The following PLCB1 variants were observed in gnomAD, a reference collection of about 807,000 sequenced individuals.
PLCB1 encodes the protein 1-phosphatidylinositol 4,5-bisphosphate phosphodiesterase beta-1.
Under a neutral mutation model 161.8 loss-of-function variants are expected in PLCB1, and 46 were observed. That is an observed-to-expected ratio of 0.28 (90% CI 0.22 to 0.36). The LOEUF (loss-of-function observed/expected upper bound fraction) is 0.36, where lower values mean the gene tolerates loss of function less well. Among genes scored for constraint, PLCB1 ranks in the 10% least tolerant of loss-of-function variants. The probability of loss-of-function intolerance (pLI) is 1.00; values close to 1 mark genes in which losing one functional copy is unlikely to be tolerated. For synonymous variants in PLCB1, 517 were observed against 503.7 expected (o/e 1.03, Z -0.35); for missense variants, 1,016 against 1,472.5 (o/e 0.69, Z 5.07).
intron 3 of PLCB1, among the ~76,000 whole-genome samples, chr20:8,492,858 GT>G (rs1983003917): frequency 6.6e-6 from 1 of 151,716 alleles, no homozygotes; most frequent in Non-Finnish European, 1.5e-5. Context: ...ATGTGTGTGT[GT>G]GTGTGTGTGT....
At chr20:8,148,778 A>G (rs73078300) in intron 1 of PLCB1, among the ~76,000 whole-genome samples, 6,620 of 152,324 alleles carry the variant, frequency 0.043, 184 homozygotes, top group South Asian at 0.12. Flanking sequence ...TATGCCAAAT[A>G]AAATAAGCCA....
At chr20:8,451,596 CA>C (rs1217592377) in intron 3 of PLCB1, among the ~76,000 whole-genome samples, 2 of 152,124 alleles carry the variant, frequency 1.3e-5, no homozygotes, top group Non-Finnish European at 2.9e-5. Flanking sequence ...GTGACCCACC[CA>C]CCTCGGCCTC....
intron 2 of PLCB1, among the ~76,000 whole-genome samples, chr20:8,169,203 C>A (rs551444311): frequency 6.6e-6 from 1 of 152,246 alleles, no homozygotes; most frequent in Non-Finnish European, 1.5e-5. Context: ...ACTGCCATCT[C>A]TTTACTTTGG....
At chr20:8,750,457 A>G (rs1224289489) in intron 23 of PLCB1, among the ~76,000 whole-genome samples, 1 of 152,180 alleles carries the variant, frequency 6.6e-6, no homozygotes, top group Non-Finnish European at 1.5e-5. Flanking sequence ...GAACACCTAT[A>G]TATCAGCCAC....
intron 2 of PLCB1, among the ~76,000 whole-genome samples, chr20:8,367,996 A>G (rs1281739929): frequency 6.6e-6 from 1 of 152,184 alleles, no homozygotes; most frequent in Non-Finnish European, 1.5e-5. Flanking sequence ...ATTACCCTTG[A>G]TGACAGTGCC....
chr20:8,788,586 C>T, intron 28 of PLCB1, 47 bp from the exon 29 acceptor site: 1 of 1,592,378 alleles, frequency 6.3e-7, no homozygotes, highest in Non-Finnish European at 8.6e-7. Flanking sequence ...CACAAATTCC[C>T]ATCTGATTTG....
chr20:8,284,119 T>C (rs1983003704), intron 2 of PLCB1, among the ~76,000 whole-genome samples: 1 of 152,030 alleles, frequency 6.6e-6, no homozygotes, highest in Admixed American at 6.6e-5. Context: ...AAAGAGTGAA[T>C]AATTAGATTT....
intron 1 of PLCB1, among the ~76,000 whole-genome samples, chr20:8,146,014 T>A (rs2051449296): frequency 6.6e-6 from 1 of 152,078 alleles, no homozygotes; most frequent in South Asian, 2.1e-4. Flanking sequence ...GTATAGGGCA[T>A]CCATTCTCAA....
chr20:8,300,647 C>T (rs745773211), intron 2 of PLCB1, among the ~76,000 whole-genome samples: 1 of 152,066 alleles, frequency 6.6e-6, no homozygotes, highest in Admixed American at 6.6e-5. Flanking sequence ...CCCATTAACT[C>T]GTCATTTAGC....
At chr20:8,225,361 A>G (rs1341879992) in intron 2 of PLCB1, among the ~76,000 whole-genome samples, 3 of 152,162 alleles carry the variant, frequency 2.0e-5, no homozygotes, top group Admixed American at 1.3e-4. Flanking sequence ...TTAAATGCCT[A>G]ATTGTAAATT....
intron 31 of PLCB1, among the ~76,000 whole-genome samples, chr20:8,822,307 A>G (rs147920407): frequency 2.4e-3 from 361 of 152,298 alleles, no homozygotes; most frequent in African/African-American, 8.3e-3. Context: ...TATTCATCCA[A>G]AAGATATTTA....
At chr20:8,451,948 T>G (rs1981093017) in intron 3 of PLCB1, among the ~76,000 whole-genome samples, 1 of 152,134 alleles carries the variant, frequency 6.6e-6, no homozygotes, top group Admixed American at 6.6e-5. Context: ...AGTATAGATC[T>G]TTGAGGAAAT....
Position 8,789,574 on chromosome 20 carries a change from G to C in PLCB1, c.3335G>C (p.Arg1112Thr). The C allele has an allele frequency of 6.2e-7, 1 of 1,606,386 alleles. No individual in the cohort carries two copies. Among genetic ancestry groups the C allele is most frequent in the Non-Finnish European group, 8.5e-7 (1 of 1,172,956 alleles). Residue 1112 changes from arginine to threonine, a missense_variant and splice_region_variant, in exon 30 of 32, where the codon AGG (arginine) becomes ACG (threonine). This residue lies in a region of PLCB1 where 398 missense variants were observed against 445.4 expected (regional missense o/e 0.89). Coordinates refer to ENST00000338037, the MANE Select transcript of PLCB1 (RefSeq NM_015192.4). ...CAGGAAGTGGTGCAGTATATCAAGA[G>C]GGTATGTGGGCTCATCACGCTCTCT... ...YIQEVVQYIK[R>T]LEEAQSKRQE...
chr20:8,649,737 C>A (rs1989259433), intron 7 of PLCB1: 1 of 424,796 alleles, frequency 2.4e-6, no homozygotes, highest in Non-Finnish European at 4.3e-6. Flanking sequence ...AGACTTTTGC[C>A]AGATGTGCCC....
Position 8,789,560 on chromosome 20 carries a change from G to A in PLCB1, c.3321G>A (p.Val1107=), listed in dbSNP as rs1600329135. ...TCCGGTCATATATCCAGGAAGTGGT[G>A]CAGTATATCAAGAGGGTATGTGGGC... is the stretch of plus-strand genomic sequence containing the variant. ...EMIRSYIQEV[V]QYIKRLEEAQ... Residue 1107 remains valine (V), a synonymous_variant, in exon 30 of 32, where the codon GTG becomes GTA. Coordinates refer to ENST00000338037, the MANE Select transcript of PLCB1 (RefSeq NM_015192.4). 2.5e-6 allele frequency: 4 copies of A among 1,611,654 alleles called. No individual in the cohort carries two copies. The highest frequency in any genetic ancestry group is 2.7e-5 in the African/African-American group (2 of 75,016).
rs569149079 is a variant in PLCB1 at position 8,391,861 on chromosome 20, A to G, written c.246+20411A>G. 8.3e-5 allele frequency among the ~76,000 whole-genome samples: 12 copies of G among 144,690 alleles called. No individual in the cohort carries two copies. In the South Asian group the frequency reaches 1.8e-3, roughly 21 times the overall value. 94.9% of individuals were successfully genotyped at this position (144,690 alleles called of 152,430 possible). ...TATATATATTACTTGAACTTCCTCAATTTTGGAGATTAGGTCATAAACTAA... is the reference window on the plus strand; with the variant it reads ...TATATATATTACTTGAACTTCCTCAGTTTTGGAGATTAGGTCATAAACTAA... On this transcript the variant is annotated intron_variant, in intron 3 of 31. Transcript: ENST00000338037.
intron 31 of PLCB1, among the ~76,000 whole-genome samples, chr20:8,849,713 T>TA (rs35680138): frequency 4.3e-4 from 63 of 145,716 alleles, no homozygotes; most frequent in Middle Eastern, 3.8e-3. Context: ...AAAGAAAATA[T>TA]AAAAAAAAGA....
intron 1 of PLCB1, among the ~76,000 whole-genome samples, chr20:8,149,705 C>A (rs2051490223): frequency 6.6e-6 from 1 of 152,020 alleles, no homozygotes; most frequent in Admixed American, 6.6e-5. Flanking sequence ...TACAATGTAT[C>A]CAAGTTTTGC....
chr20:8,410,624 C>CT (rs1023614957), intron 3 of PLCB1, among the ~76,000 whole-genome samples: 22 of 151,850 alleles, frequency 1.4e-4, no homozygotes, highest in Non-Finnish European at 1.5e-5. Context: ...ATGCAACCTG[C>CT]TTTTTTTTAT....
Sources: allele counts gnomAD v4.1 joint callset (sites outside exome capture counted in the v4.1 genomes callset), GRCh38; gene constraint gnomAD v4.1.1; regional missense constraint gnomAD v4.1.1; transcripts MANE v1.5; gene names NCBI Gene and HGNC (gene_info 2026-07-23, HGNC 2026-07-21).